Variants in ACTA1 observed in about 807,000 individuals in gnomAD.
ACTA1 encodes actin, alpha skeletal muscle.
Under a neutral mutation model 35.8 loss-of-function variants are expected in ACTA1, and 25 were observed. The ratio of observed to expected loss-of-function variants is 0.70; its 90% CI spans 0.51 to 0.97. The LOEUF (loss-of-function observed/expected upper bound fraction) is 0.97. Ranked by LOEUF, ACTA1 falls within the 50% of genes least tolerant of loss-of-function variation. The pLI is 0.00. For synonymous variants in ACTA1, 219 were observed against 217.1 expected (o/e 1.01, Z -0.08); for missense variants, 174 against 533.0 (o/e 0.33, Z 6.63).
At position 229,433,041 on chromosome 1, in the gene ACTA1, C is replaced by A. The variant is rs1659985751; in HGVS notation, c.75G>T (p.Gly25=). ...GSGLVKAGFA[G]DDAPRAVFPS... is the part of the protein sequence containing the mutation. ...GGAACACGGCCCTAGGGGCGTCATC[C>A]CCGGCGAAGCCGGCTTTCACCAGGC... The change falls in exon 2 of 7, where the codon GGG becomes GGT. Residue 25 remains glycine, a synonymous_variant. Coordinates refer to ENST00000366684, the MANE Select transcript of ACTA1 (RefSeq NM_001100.4). 1 of 1,613,950 alleles carries A rather than the reference C, an allele frequency of 6.2e-7. No homozygotes were observed. The highest frequency in any genetic ancestry group is 8.5e-7 in the Non-Finnish European group (1 of 1,179,880).
chr1:229,432,967 C>T lies in ACTA1; in HGVS notation c.129+20G>A, dbSNP rs758142768. The T allele has an allele frequency of 1.9e-6, 3 of 1,613,642 alleles. No homozygotes were observed. Among genetic ancestry groups the T allele is most frequent in the Non-Finnish European group, 2.5e-6 (3 of 1,179,774 alleles). On this transcript the variant is annotated intron_variant, in intron 2 of 6. Coordinates refer to ENST00000366684, the MANE Select transcript of ACTA1 (RefSeq NM_001100.4). ...CGCGGGGACCCCGAGCCGGCTCCCTCTGCGGAGGGGCAGCCTGACCTGGTG... is the reference window on the plus strand; with the variant it reads ...CGCGGGGACCCCGAGCCGGCTCCCTTTGCGGAGGGGCAGCCTGACCTGGTG...
At position 229,431,920 on chromosome 1, in the gene ACTA1, GAGCGT is replaced by G. The variant is rs748076340; in HGVS notation, c.809-23_809-19del. 6.2e-7 allele frequency: 1 copy of G among 1,610,468 alleles called. No individual in the cohort carries two copies. Among genetic ancestry groups the G allele is most frequent in the Admixed American group, 1.7e-5 (1 of 59,766 alleles). On this transcript the variant is annotated intron_variant, in intron 5 of 6. Transcript: ENST00000366684. This position sits in a 1 kb window ranked among gnomAD's most constrained non-coding sequence, Gnocchi z 7.1. ...CTCCATACCTGGGGACCGCGGCGGG[GAGCGT>G]GAGCAGAAGCTCGGGGCGCCGGGGG...
rs754270462 is a variant in ACTA1, at chr1:229,432,389, G to A, written c.497C>T (p.Pro166Leu). Reference protein sequence around the residue: ...DSGDGVTHNVPIYEGYALPHA... With the variant: ...DSGDGVTHNVLIYEGYALPHA... The stretch of plus-strand genomic sequence containing the variant: ...CGGCAGCGCGTAGCCCTCATAAATG[G>A]GCACGTTGTGGGTGACGCCGTCGCC... Residue 166 changes from proline (P) to leucine (L), a missense_variant, in exon 4 of 7, where the codon CCC becomes CTC. Transcript: ENST00000366684. The A allele has an allele frequency of 5.6e-6, 9 of 1,613,280 alleles. No individual in the cohort carries two copies. The highest frequency in any genetic ancestry group is 5.1e-6 in the Non-Finnish European group (6 of 1,179,786).
intron 1 of ACTA1, among the ~76,000 whole-genome samples, chr1:229,433,692 C>T (rs1660002907): frequency 6.6e-6 from 1 of 152,242 alleles, no homozygotes; most frequent in Non-Finnish European, 1.5e-5. Flanking sequence ...CTCGCTCATT[C>T]GCTCTAGCGC....
rs757701835 is a variant in ACTA1 at position 229,432,409 on chromosome 1, G to A, written c.477C>T (p.Asp159=). The stretch of plus-strand genomic sequence containing the variant: ...AAATGGGCACGTTGTGGGTGACGCC[G>A]TCGCCGGAGTCCAGCACGATGCCTG... The part of the protein sequence containing the change: ...RTTGIVLDSG[D]GVTHNVPIYE... The change falls in exon 4 of 7, where the codon GAC becomes GAT. Residue 159 remains aspartate (D), a synonymous_variant. Coordinates refer to ENST00000366684, the MANE Select transcript of ACTA1 (RefSeq NM_001100.4). The A allele has an allele frequency of 6.8e-6, 11 of 1,612,146 alleles. No individual in the cohort carries two copies. The highest frequency in any genetic ancestry group is 1.1e-5 in the South Asian group (1 of 91,024).
Position 229,431,755 on chromosome 1 carries a change from A to G in ACTA1, c.956T>C (p.Ile319Thr). Residue 319 changes from isoleucine to threonine, a missense_variant, in exon 6 of 7, where the codon ATC (isoleucine) becomes ACC (threonine). Ile to Thr is a moderately conservative substitution (Grantham distance 89). Coordinates refer to ENST00000366684, the MANE Select transcript of ACTA1 (RefSeq NM_001100.4). This position sits in a 1 kb window ranked among gnomAD's most constrained non-coding sequence, Gnocchi z 7.1. Reference sequence around the variant, plus strand: ...CATGGTGCTGGGTGCCAGCGCGGTGATCTCTTTCTGCATGCGGTCAGCGAT... The same window carrying G: ...CATGGTGCTGGGTGCCAGCGCGGTGGTCTCTTTCTGCATGCGGTCAGCGAT... ...PGIADRMQKEITALAPSTMKI... is the reference protein window; with the variant it reads ...PGIADRMQKETTALAPSTMKI... The G allele has an allele frequency of 6.2e-7, 1 of 1,614,106 alleles. No homozygotes were observed. The highest frequency in any genetic ancestry group is 8.5e-7 in the Non-Finnish European group (1 of 1,179,988).
chr1:229,432,893 G>C lies in ACTA1; in HGVS notation c.130-13C>G. 6.2e-7 allele frequency: 1 copy of C among 1,614,024 alleles called. No individual in the cohort carries two copies. The highest frequency in any genetic ancestry group is 8.5e-7 in the Non-Finnish European group (1 of 1,180,000). On this transcript the variant is annotated splice_polypyrimidine_tract_variant and intron_variant, in intron 2 of 6. Coordinates refer to ENST00000366684, the MANE Select transcript of ACTA1 (RefSeq NM_001100.4). Reference sequence around the variant, plus strand: ...CGACCATGACGCCCTGCAGAGCCGAGACACCACGCACCCGTTAACGCCGCT... The same window carrying C: ...CGACCATGACGCCCTGCAGAGCCGACACACCACGCACCCGTTAACGCCGCT...
In ACTA1 at chr1:229,433,053, G is replaced by A; in HGVS notation, c.63C>T (p.Ala21=). Residue 21 remains alanine (A), a synonymous_variant, in exon 2 of 7, where the codon GCC becomes GCT. Transcript: ENST00000366684. ...VCDNGSGLVK[A]GFAGDDAPRA... Reference sequence around the variant, plus strand: ...TAGGGGCGTCATCCCCGGCGAAGCCGGCTTTCACCAGGCCGGAGCCATTGT... The same window carrying A: ...TAGGGGCGTCATCCCCGGCGAAGCCAGCTTTCACCAGGCCGGAGCCATTGT... 6.2e-7 allele frequency: 1 copy of A among 1,613,940 alleles called. No homozygotes were observed. The highest frequency in any genetic ancestry group is 2.2e-5 in the East Asian group (1 of 44,876).
In ACTA1 at chr1:229,431,672, C is replaced by A. The variant is rs1659938050; in HGVS notation, c.991-30G>T. 2 of 1,613,936 alleles carry A rather than the reference C, an allele frequency of 1.2e-6. No individual in the cohort carries two copies. The highest frequency in any genetic ancestry group is 1.7e-5 in the Admixed American group (1 of 60,018). On this transcript the variant is annotated intron_variant, in intron 6 of 6. Transcript: ENST00000366684. The surrounding 1 kb of genome is among the most constrained non-coding windows in gnomAD (Gnocchi z 7.1). ...AAGACAGCGCGTGAGGTGGGGAGAC[C>A]TCACCCTGGAGCCCACCCCGCCGAC... is the stretch of plus-strand genomic sequence containing the variant.
At position 229,431,364 on chromosome 1, in the gene ACTA1, A is replaced by T; in HGVS notation, c.*135T>A. 8.3e-7 allele frequency: 1 copy of T among 1,200,594 alleles called. No individual in the cohort carries two copies. The highest frequency in any genetic ancestry group is 1.2e-5 in the South Asian group (1 of 81,356). The allele number at this position is 1,200,594 out of a possible 1,614,324, so 74.4% of individuals were successfully genotyped here. ...AAGTTAATGTATGTACACGTTATAA[A>T]CACTGTGTCAGTTTACGATGGCAGC... On this transcript the variant is annotated 3_prime_UTR_variant, in exon 7 of 7. Transcript: ENST00000366684. This position sits in a 1 kb window ranked among gnomAD's most constrained non-coding sequence, Gnocchi z 7.1.
chr1:229,431,426 G>A lies in ACTA1; in HGVS notation c.*73C>T, dbSNP rs1659930126. 5.0e-6 allele frequency: 8 copies of A among 1,600,386 alleles called. No individual in the cohort carries two copies. The South Asian group carries it at 8.8e-5, about 18-fold the overall frequency. On this transcript the variant is annotated 3_prime_UTR_variant, in exon 7 of 7. Coordinates refer to ENST00000366684, the MANE Select transcript of ACTA1 (RefSeq NM_001100.4). This position sits in a 1 kb window ranked among gnomAD's most constrained non-coding sequence, Gnocchi z 7.1. ...TTACAAAGAAAGTGACTGCGGGGTG[G>A]CTGGAGCTCAGCCGCCCCCCCATTG... is the stretch of plus-strand genomic sequence containing the variant.
Position 229,434,038 on chromosome 1 carries a change from G to C in ACTA1, c.-47C>G, listed in dbSNP as rs572772527. 1 of 152,820 alleles carries C rather than the reference G, an allele frequency of 6.5e-6. No homozygotes were observed. Among genetic ancestry groups the C allele is most frequent in the East Asian group, 1.9e-4 (1 of 5,202 alleles). The allele number at this position is 152,820 out of a possible 1,614,324, so 9.5% of individuals were successfully genotyped here. A position where few individuals can be genotyped will look rare whatever the true frequency, so the allele number is the denominator to read the frequency against. On this transcript the variant is annotated 5_prime_UTR_variant, in exon 1 of 7. Coordinates refer to ENST00000366684, the MANE Select transcript of ACTA1 (RefSeq NM_001100.4). ...TAGCTACAACTGCTACTCTCGGCTC[G>C]GGCCCTGGTCGCCGCGGAGGGGAAG...
In ACTA1 at chr1:229,432,552, T is replaced by A. The variant is rs1166632583; in HGVS notation, c.454+4A>T. 1 of 1,607,360 alleles carries A rather than the reference T, an allele frequency of 6.2e-7. No individual in the cohort carries two copies. Among genetic ancestry groups the A allele is most frequent in the East Asian group, 2.2e-5 (1 of 44,756 alleles). ...AGAGGGGACTGGGGGCAGCGGGCAC[T>A]CACCGGTGGTCCTGCCGGAGGCGTA... On this transcript the variant is annotated splice_donor_region_variant and intron_variant, in intron 3 of 6. Coordinates refer to ENST00000366684, the MANE Select transcript of ACTA1 (RefSeq NM_001100.4).
chr1:229,433,288 G>C (rs978259458), intron 1 of ACTA1, among the ~76,000 whole-genome samples, 161 bp from the exon 2 acceptor site: 1 of 152,226 alleles, frequency 6.6e-6, no homozygotes, highest in African/African-American at 2.4e-5. Flanking sequence ...GGCGACCAGG[G>C]GTTCTCTTCT....
Position 229,431,592 on chromosome 1 carries a change from G to A in ACTA1, c.1041C>T (p.Ile347=), listed in dbSNP as rs1377585013. The part of the protein sequence containing the change: ...RKYSVWIGGS[I]LASLSTFQQM... ...GCTGGAAGGTGGACAGCGAGGCCAGGATGGAGCCGCCGATCCACACCGAGT... is the reference window on the plus strand; with the variant it reads ...GCTGGAAGGTGGACAGCGAGGCCAGAATGGAGCCGCCGATCCACACCGAGT... Residue 347 remains isoleucine, a synonymous_variant, in exon 7 of 7, where the codon ATC becomes ATT. Coordinates refer to ENST00000366684, the MANE Select transcript of ACTA1 (RefSeq NM_001100.4). This position sits in a 1 kb window ranked among gnomAD's most constrained non-coding sequence, Gnocchi z 7.1. The A allele has an allele frequency of 2.5e-6, 4 of 1,613,672 alleles. No homozygotes were observed. The highest frequency in any genetic ancestry group is 2.2e-5 in the South Asian group (2 of 91,070).
At chr1:229,433,708 TG>T (rs1241825076) in intron 1 of ACTA1, among the ~76,000 whole-genome samples, 2 of 152,240 alleles carry the variant, frequency 1.3e-5, no homozygotes, top group Non-Finnish European at 2.9e-5. Context: ...AGCGCTAGTT[TG>T]GAAGGGAACT....
In ACTA1 at chr1:229,431,724, G is replaced by A; in HGVS notation, c.987C>T (p.Ile329=). ...ITALAPSTMK[I]KIIAPPERKY... Reference sequence around the variant, plus strand: ...GCCCGCGCAGGCCACCACCCACCTTGATCTTCATGGTGCTGGGTGCCAGCG... The same window carrying A: ...GCCCGCGCAGGCCACCACCCACCTTAATCTTCATGGTGCTGGGTGCCAGCG... The change falls in exon 6 of 7, where the codon ATC becomes ATT. Residue 329 remains isoleucine (I), a synonymous_variant. Coordinates refer to ENST00000366684, the MANE Select transcript of ACTA1 (RefSeq NM_001100.4). The surrounding 1 kb of genome is among the most constrained non-coding windows in gnomAD (Gnocchi z 7.1). 4 of 1,614,182 alleles carry A rather than the reference G, an allele frequency of 2.5e-6. No homozygotes were observed. Among genetic ancestry groups the A allele is most frequent in the Non-Finnish European group, 3.4e-6 (4 of 1,180,022 alleles).
At position 229,432,198 on chromosome 1, in the gene ACTA1, G is replaced by T. The variant is rs766317058; in HGVS notation, c.617-13C>A. ...ATCTCGCGCTCAGCTGCGGAGGGCA[G>T]AAGCAGGAGAGGAGCCCTCACTCAG... On this transcript the variant is annotated splice_polypyrimidine_tract_variant and intron_variant, in intron 4 of 6. Coordinates refer to ENST00000366684, the MANE Select transcript of ACTA1 (RefSeq NM_001100.4). 6.2e-7 allele frequency: 1 copy of T among 1,613,432 alleles called. No individual in the cohort carries two copies. The highest frequency in any genetic ancestry group is 1.7e-5 in the Admixed American group (1 of 59,974).
chr1:229,431,348 T>C lies in ACTA1; in HGVS notation c.*151A>G. 4 of 1,030,954 alleles carry C rather than the reference T, an allele frequency of 3.9e-6. No homozygotes were observed. The allele number at this position is 1,030,954 out of a possible 1,614,324, so 63.9% of individuals were successfully genotyped here. A position where few individuals can be genotyped will look rare whatever the true frequency, so the allele number is the denominator to read the frequency against. ...AACAAAATGAGGTAATAAGTTAATG[T>C]ATGTACACGTTATAAACACTGTGTC... On this transcript the variant is annotated 3_prime_UTR_variant, in exon 7 of 7. Transcript: ENST00000366684. This position sits in a 1 kb window ranked among gnomAD's most constrained non-coding sequence, Gnocchi z 7.1.
Sources: gnomAD v4.1 joint callset for allele counts (sites outside exome capture counted in the v4.1 genomes callset) on GRCh38, gnomAD v4.1.1 for gene constraint, Gnocchi (gnomAD v3.1) non-coding constraint, MANE v1.5 for transcripts, NCBI Gene and HGNC (gene_info 2026-07-23, HGNC 2026-07-21) for gene names.